GALNT18: variants seen among roughly 807,000 people sequenced by gnomAD.
GALNT18 encodes polypeptide N-acetylgalactosaminyltransferase 18.
GALNT18 carries 44 observed loss-of-function variants against 69.5 expected under a neutral mutation model. That is an observed-to-expected ratio of 0.63 (90% CI 0.50 to 0.81). The LOEUF is 0.81. Among genes scored for constraint, GALNT18 ranks in the 40% least tolerant of loss-of-function variants. The pLI is 0.00. For missense variants in GALNT18, 715 were observed against 810.0 expected, an observed-to-expected ratio of 0.88 and a Z score of 1.42; for synonymous variants, 364 against 318.2, an observed-to-expected ratio of 1.14 and a Z score of -1.53.
At chr11:11,557,885 AT>A (rs1436591396) in intron 1 of GALNT18, among the ~76,000 whole-genome samples, 1 of 152,200 alleles carries the variant, frequency 6.6e-6, no homozygotes, top group Admixed American at 6.5e-5. Flanking sequence ...CTGAGTTGAC[AT>A]TTCCCCAGCT....
chr11:11,403,921 T>C (rs1854526134), intron 3 of GALNT18, among the ~76,000 whole-genome samples: 1 of 152,228 alleles, frequency 6.6e-6, no homozygotes, highest in South Asian at 2.1e-4. Flanking sequence ...AACCCAGCCC[T>C]GCTGCCAGCA....
intron 9 of GALNT18, 96 bp from the exon 10 acceptor site, chr11:11,293,289 CCA>C (rs1037938768): frequency 1.1e-5 from 12 of 1,063,902 alleles, no homozygotes; most frequent in African/African-American, 4.9e-5. Context: ...GGCAGAGAGG[CCA>C]CAGTTAGGGA....
chr11:11,513,884 C>A (rs1007735671), intron 1 of GALNT18, among the ~76,000 whole-genome samples: 2 of 152,142 alleles, frequency 1.3e-5, no homozygotes, highest in African/African-American at 2.4e-5. Flanking sequence ...AGGGAACTCA[C>A]TCTGATGGGA....
At chr11:11,376,631 C>T (rs542918540) in intron 5 of GALNT18, among the ~76,000 whole-genome samples, 3 of 152,238 alleles carry the variant, frequency 2.0e-5, no homozygotes, top group South Asian at 4.1e-4. Context: ...GCCTCTCAGC[C>T]CCTCCACCCC....
Position 11,271,196 on chromosome 11 carries a change from C to A in GALNT18, c.1772G>T (p.Cys591Phe), listed in dbSNP as rs1469238993. The change falls in exon 11 of 11, where the codon TGC becomes TTC. Residue 591 changes from cysteine (C) to phenylalanine (F), a missense_variant. Coordinates refer to ENST00000227756, the MANE Select transcript of GALNT18 (RefSeq NM_198516.3). Reference sequence around the variant, plus strand: ...GGTGATGCTCCAGTGCTGGCCCGAGCACTTCTGCAACACCAGCTGGAAGCC... The same window carrying A: ...GGTGATGCTCCAGTGCTGGCCCGAGAACTTCTGCAACACCAGCTGGAAGCC... ...EFGFQLVLQK[C>F]SGQHWSITNV... The A allele has an allele frequency of 6.2e-7, 1 of 1,614,102 alleles. No homozygotes were observed. The highest frequency in any genetic ancestry group is 1.1e-5 in the South Asian group (1 of 91,078).
intron 6 of GALNT18, among the ~76,000 whole-genome samples, chr11:11,350,043 C>A (rs1225649104): frequency 6.6e-6 from 1 of 152,206 alleles, no homozygotes; most frequent in African/African-American, 2.4e-5. Flanking sequence ...AGGGATCCCT[C>A]ATAACTATCA....
intron 10 of GALNT18, among the ~76,000 whole-genome samples, chr11:11,290,478 C>T (rs1849276939): frequency 6.6e-6 from 1 of 152,208 alleles, no homozygotes; most frequent in Admixed American, 6.5e-5. Context: ...CAGGCCTAGC[C>T]CAGTTGGCCT....
intron 1 of GALNT18, among the ~76,000 whole-genome samples, chr11:11,456,712 GTGATGGGTTTCTAGAGACCCACTC>G (rs1458990503): frequency 6.6e-6 from 1 of 152,194 alleles, no homozygotes; most frequent in African/African-American, 2.4e-5. Flanking sequence ...GTGAATGAGA[GTGATGGGTTTCTAGAGACCCACTC>G]ACTCAGGTCA....
chr11:11,294,960 G>T (rs956130974), intron 9 of GALNT18, among the ~76,000 whole-genome samples: 14 of 152,124 alleles, frequency 9.2e-5, no homozygotes, highest in Non-Finnish European at 1.6e-4. Flanking sequence ...TGTTCTCTCT[G>T]GTTATCTTGA....
chr11:11,355,969 G>A (rs1850521524), intron 6 of GALNT18, among the ~76,000 whole-genome samples: 1 of 152,178 alleles, frequency 6.6e-6, no homozygotes, highest in African/African-American at 2.4e-5. Context: ...TATACAGGTA[G>A]GCTTTGTTTT....
At chr11:11,612,503 C>T (rs1007197899) in intron 1 of GALNT18, among the ~76,000 whole-genome samples, 21 of 152,184 alleles carry the variant, frequency 1.4e-4, no homozygotes, top group African/African-American at 5.1e-4. Context: ...CTCCTAAATC[C>T]CCAGATGCCG....
chr11:11,273,991 T>A (rs1407124408), intron 10 of GALNT18, among the ~76,000 whole-genome samples: 3 of 152,216 alleles, frequency 2.0e-5, no homozygotes, highest in African/African-American at 7.2e-5. Context: ...ACCTGGTTCA[T>A]CTCATTCGGA....
intron 1 of GALNT18, among the ~76,000 whole-genome samples, chr11:11,460,725 C>T (rs544431869): frequency 1.2e-4 from 18 of 152,252 alleles, no homozygotes; most frequent in African/African-American, 4.3e-4. Flanking sequence ...CAACTGGCTT[C>T]CTGCTACTGT....
At chr11:11,334,939 C>T (rs1461760886) in intron 7 of GALNT18, among the ~76,000 whole-genome samples, 1 of 152,182 alleles carries the variant, frequency 6.6e-6, no homozygotes, top group Non-Finnish European at 1.5e-5. Context: ...CCACTCCGAC[C>T]CTAAAGCATT....
intron 3 of GALNT18, among the ~76,000 whole-genome samples, chr11:11,388,990 G>A (rs749864009): frequency 1.3e-5 from 2 of 152,182 alleles, no homozygotes; most frequent in Non-Finnish European, 2.9e-5. Context: ...GACTATTTCT[G>A]TTCCATAGAT....
chr11:11,576,074 C>T (rs1340231226), intron 1 of GALNT18, among the ~76,000 whole-genome samples: 3 of 152,192 alleles, frequency 2.0e-5, no homozygotes, highest in African/African-American at 7.2e-5. Flanking sequence ...GGCACTTCCA[C>T]TGAACCACTG....
chr11:11,561,228 C>T (rs900856114), intron 1 of GALNT18, among the ~76,000 whole-genome samples: 1 of 152,122 alleles, frequency 6.6e-6, no homozygotes, highest in African/African-American at 2.4e-5. Context: ...GAAATAAACT[C>T]CCTCTGAGCC....
In GALNT18 at chr11:11,582,388, C is replaced by T. The variant is rs1003324331; in HGVS notation, c.235+38971G>A. Among the ~76,000 whole-genome samples the T allele has an allele frequency of 6.6e-6, 1 of 152,244 alleles. No individual in the cohort carries two copies. Among genetic ancestry groups the T allele is most frequent in the Non-Finnish European group, 1.5e-5 (1 of 68,042 alleles). ...GGCTATGCATGCCTGTCCGTTGCCC[C>T]GTGGCTTGCAGTGCTATCCAGTGGG... is the stretch of plus-strand genomic sequence containing the variant. On this transcript the variant is annotated intron_variant, in intron 1 of 10. Coordinates refer to ENST00000227756, the MANE Select transcript of GALNT18 (RefSeq NM_198516.3). This position sits in a 1 kb window ranked among gnomAD's most constrained non-coding sequence, Gnocchi z 5.0.
chr11:11,334,505 T>C (rs542384972), intron 7 of GALNT18, among the ~76,000 whole-genome samples: 1 of 150,552 alleles, frequency 6.6e-6, no homozygotes, highest in Non-Finnish European at 1.5e-5. Flanking sequence ...ATCGCACCAT[T>C]GCACTCCAGC....
Sources: allele counts gnomAD v4.1 joint callset (sites outside exome capture counted in the v4.1 genomes callset), GRCh38; gene constraint gnomAD v4.1.1; non-coding constraint Gnocchi (gnomAD v3.1); transcripts MANE v1.5; gene names NCBI Gene and HGNC (gene_info 2026-07-23, HGNC 2026-07-21).